ASTN1: variants seen among roughly 807,000 people sequenced by gnomAD.
The protein encoded by ASTN1 is astrotactin 1.
Under a neutral mutation model 140.7 loss-of-function variants are expected in ASTN1, and 41 were observed. The observed-to-expected ratio is 0.29, with a 90% CI of 0.23 to 0.38. ASTN1 has a LOEUF of 0.38. Among genes scored for constraint, ASTN1 ranks in the 10% least tolerant of loss-of-function variants. ASTN1 has a pLI of 1.00. For synonymous variants in ASTN1, 640 were observed against 652.2 expected (o/e 0.98, Z 0.29); for missense variants, 1,479 against 1,678.8 (o/e 0.88, Z 2.08).
intron 2 of ASTN1, among the ~76,000 whole-genome samples, chr1:177,044,935 G>C (rs1366836625): frequency 6.6e-6 from 1 of 152,082 alleles, no homozygotes; most frequent in African/African-American, 2.4e-5. Context: ...GGGAGAGAGG[G>C]ACAGAAAGAG....
chr1:176,999,549 A>G (rs1674618498), intron 8 of ASTN1, among the ~76,000 whole-genome samples: 1 of 152,248 alleles, frequency 6.6e-6, no homozygotes, highest in Non-Finnish European at 1.5e-5. Context: ...TAAGGGGTTA[A>G]GTTCAACCTT....
chr1:177,010,750 T>C (rs111288936), intron 8 of ASTN1, among the ~76,000 whole-genome samples: 2 of 152,250 alleles, frequency 1.3e-5, no homozygotes, highest in Non-Finnish European at 2.9e-5. Flanking sequence ...ATTCACATGC[T>C]TTCTGCATAT....
intron 16 of ASTN1, among the ~76,000 whole-genome samples, chr1:176,920,076 G>A (rs1281626594): frequency 6.6e-6 from 1 of 152,154 alleles, no homozygotes; most frequent in Non-Finnish European, 1.5e-5. Context: ...GCTTGAACCT[G>A]CTTAGTTTTT....
chr1:176,872,590 A>T (rs1281571509), intron 21 of ASTN1, among the ~76,000 whole-genome samples: 1 of 152,172 alleles, frequency 6.6e-6, no homozygotes, highest in Non-Finnish European at 1.5e-5. Flanking sequence ...CCATCATGTC[A>T]GCCCCTTGCT....
intron 1 of ASTN1, among the ~76,000 whole-genome samples, chr1:177,101,894 T>A (rs928697782): frequency 2.6e-5 from 4 of 152,312 alleles, no homozygotes; most frequent in African/African-American, 9.6e-5. Context: ...ATCCCAAATG[T>A]ATAAATGTCA....
chr1:177,144,150 A>ATTTTTTTTTTTTTTTTT (rs11389941), intron 1 of ASTN1, among the ~76,000 whole-genome samples: 1 of 139,594 alleles, frequency 7.2e-6, no homozygotes, highest in Non-Finnish European at 1.6e-5. Context: ...CTGGAACATG[A>ATTTTTTTTTTTTTTTTT]TTTTTTTTTT....
chr1:176,872,877 T>C (rs2103016301), intron 21 of ASTN1, among the ~76,000 whole-genome samples: 2 of 152,230 alleles, frequency 1.3e-5, no homozygotes, highest in South Asian at 4.1e-4. Flanking sequence ...GCACCTCCTA[T>C]CCCACAGCCC....
chr1:176,891,696 G>A (rs1365676666), intron 17 of ASTN1, among the ~76,000 whole-genome samples: 1 of 152,166 alleles, frequency 6.6e-6, no homozygotes, highest in African/African-American at 2.4e-5. Flanking sequence ...GGGAGGCTGA[G>A]GCAGGAGAAT....
intron 16 of ASTN1, among the ~76,000 whole-genome samples, chr1:176,930,662 G>T (rs1016603204): frequency 3.1e-4 from 47 of 152,304 alleles, no homozygotes; most frequent in African/African-American, 1.1e-3. Context: ...TACATGGGAT[G>T]GTCACAGGAT....
chr1:176,974,712 A>G (rs1673291103), intron 8 of ASTN1, among the ~76,000 whole-genome samples: 1 of 152,222 alleles, frequency 6.6e-6, no homozygotes, highest in African/African-American at 2.4e-5. Flanking sequence ...GATATATCAA[A>G]TGATTTTGAA....
At position 176,945,999 on chromosome 1, in the gene ASTN1, C is replaced by T; in HGVS notation, c.2176G>A (p.Gly726Arg). 1 of 1,614,126 alleles carries T rather than the reference C, an allele frequency of 6.2e-7. No homozygotes were observed. Among genetic ancestry groups the T allele is most frequent in the Non-Finnish European group, 8.5e-7 (1 of 1,179,996 alleles). ...TTGTTGTAACCAAAGAACATCTCCC[C>T]AAAGAGGGTCTGGTTCATGGGAAGC... ...RELPMNQTLF[G>R]EMFFGYNNHS... The change falls in exon 13 of 23, where the codon GGG becomes AGG. Residue 726 changes from glycine (G) to arginine (R), a missense_variant. Transcript: ENST00000361833.
chr1:177,140,987 C>T (rs1173483406), intron 1 of ASTN1, among the ~76,000 whole-genome samples: 4 of 152,128 alleles, frequency 2.6e-5, no homozygotes, highest in Non-Finnish European at 4.4e-5. Flanking sequence ...GAGGCCAAGG[C>T]GGGCAGATCA....
chr1:176,925,072 T>G (rs1349055208), intron 16 of ASTN1, among the ~76,000 whole-genome samples: 1 of 152,214 alleles, frequency 6.6e-6, no homozygotes, highest in South Asian at 2.1e-4. Flanking sequence ...GCCTGAGGGC[T>G]TTAGATAGTT....
chr1:177,137,001 C>T (rs1682235061), intron 1 of ASTN1, among the ~76,000 whole-genome samples: 2 of 152,134 alleles, frequency 1.3e-5, no homozygotes, highest in African/African-American at 4.8e-5. Flanking sequence ...TGGCCTCTAC[C>T]CACTGGATGC....
At chr1:177,098,397 T>G (rs1418692240) in intron 1 of ASTN1, among the ~76,000 whole-genome samples, 1 of 152,202 alleles carries the variant, frequency 6.6e-6, no homozygotes, top group Non-Finnish European at 1.5e-5. Flanking sequence ...GTCATAAAGA[T>G]GAGATAAAAT....
chr1:176,960,458 G>A (rs1032546673), intron 9 of ASTN1, among the ~76,000 whole-genome samples: 13 of 152,332 alleles, frequency 8.5e-5, no homozygotes, highest in African/African-American at 2.6e-4. Flanking sequence ...TTAGGAAGCC[G>A]TTGGCAGTTC....
At chr1:177,032,927 C>G in intron 2 of ASTN1, 78 bp from the exon 3 acceptor site, 1 of 1,427,232 alleles carries the variant, frequency 7.0e-7, no homozygotes, top group Non-Finnish European at 9.4e-7. Context: ...CCTTCTGCTA[C>G]CACCATTCAT....
At chr1:176,933,727 G>A (rs1275151510) in intron 16 of ASTN1, among the ~76,000 whole-genome samples, 5 of 152,148 alleles carry the variant, frequency 3.3e-5, no homozygotes, top group Non-Finnish European at 5.9e-5. Flanking sequence ...GCAAGAAGGG[G>A]TTTACTATGT....
intron 1 of ASTN1, among the ~76,000 whole-genome samples, chr1:177,159,910 C>T (rs895118783): frequency 2.6e-5 from 4 of 152,242 alleles, no homozygotes; most frequent in African/African-American, 9.6e-5. Flanking sequence ...GTGAGAATTC[C>T]CAAACTCTTC....
Sources: allele counts gnomAD v4.1 joint callset (sites outside exome capture counted in the v4.1 genomes callset), GRCh38; gene constraint gnomAD v4.1.1; transcripts MANE v1.5; gene names NCBI Gene and HGNC (gene_info 2026-07-23, HGNC 2026-07-21).